The following CDH13 variants were observed in gnomAD, a reference collection of about 807,000 sequenced individuals.
CDH13 encodes the protein cadherin-13.
A neutral mutation model predicts 63.8 loss-of-function variants in CDH13; 24 were observed. That is an observed-to-expected ratio of 0.38 (90% CI 0.27 to 0.53). CDH13 has a LOEUF of 0.53. CDH13 is among the 20% of genes least tolerant of loss of function. CDH13 has a pLI of 0.85. For missense variants in CDH13, 1,049 were observed against 903.1 expected (o/e 1.16, Z -2.07); for synonymous variants, 503 against 355.3 (o/e 1.42, Z -4.67).
intron 8 of CDH13, among the ~76,000 whole-genome samples, chr16:83,647,312 C>CAAAA (rs772041222): frequency 2.3e-5 from 2 of 86,406 alleles, no homozygotes; most frequent in African/African-American, 8.2e-5. Context: ...GACTCTGTCT[C>CAAAA]AAAAAAAAAA....
chr16:82,649,408 C>T (rs1256308203), intron 1 of CDH13, among the ~76,000 whole-genome samples: 1 of 152,034 alleles, frequency 6.6e-6, no homozygotes, highest in Non-Finnish European at 1.5e-5. Flanking sequence ...GAAAATAGGG[C>T]ATTTCAAGAA....
intron 6 of CDH13, among the ~76,000 whole-genome samples, chr16:83,435,578 G>A (rs77600115): frequency 3.5e-3 from 536 of 152,228 alleles, no homozygotes; most frequent in Non-Finnish European, 5.9e-3. Flanking sequence ...CTCCCTGAAC[G>A]TGCCACGTGC....
intron 2 of CDH13, among the ~76,000 whole-genome samples, chr16:82,971,015 G>A (rs4782739): frequency 0.12 from 18,535 of 152,150 alleles, 1,316 homozygotes; most frequent in East Asian, 0.16. Context: ...CACTGTAGGT[G>A]CTCCACCTAT....
rs1210568393 is a variant in CDH13 at position 82,697,353 on chromosome 16, T to C, written c.45+70216T>C. On this transcript the variant is annotated intron_variant, in intron 1 of 13. Coordinates refer to ENST00000567109, the MANE Select transcript of CDH13 (RefSeq NM_001257.5). ...CTGAAGAGAACAAGATGAGGCTTTG[T>C]CACTCTCACCCCAGACTATCCTCCA... 2.0e-5 allele frequency among the ~76,000 whole-genome samples: 3 copies of C among 151,730 alleles called. No individual in the cohort carries two copies. In the East Asian group the frequency reaches 5.8e-4, roughly 29 times the overall value.
chr16:83,000,631 C>T (rs1385445227), intron 2 of CDH13, among the ~76,000 whole-genome samples: 4 of 148,250 alleles, frequency 2.7e-5, no homozygotes, highest in East Asian at 4.0e-4. Flanking sequence ...GTTCTGTTGC[C>T]CAGGCTAGAG....
chr16:83,447,053 T>TAA (rs56692922), intron 6 of CDH13, among the ~76,000 whole-genome samples: 31 of 64,294 alleles, frequency 4.8e-4, no homozygotes, highest in East Asian at 1.9e-3. Flanking sequence ...TCACCCGTCT[T>TAA]AAAAAAAAAA....
intron 5 of CDH13, among the ~76,000 whole-genome samples, chr16:83,320,165 G>A (rs11641461): frequency 0.3 from 45,677 of 151,734 alleles, 7,039 homozygotes; most frequent in East Asian, 0.47. Context: ...TCAACCTCAC[G>A]AGTAGCTACG....
chr16:83,059,861 C>G (rs987342451), intron 3 of CDH13, among the ~76,000 whole-genome samples: 15 of 134,426 alleles, frequency 1.1e-4, no homozygotes, highest in Non-Finnish European at 1.5e-5. Flanking sequence ...GTGGCAGGAT[C>G]TTGGCTCACT....
chr16:83,518,179 C>G (rs572016970), intron 7 of CDH13, among the ~76,000 whole-genome samples: 2 of 152,074 alleles, frequency 1.3e-5, no homozygotes, highest in East Asian at 1.9e-4. Flanking sequence ...GAGTCTTGTT[C>G]TCTCACCCAG....
intron 5 of CDH13, among the ~76,000 whole-genome samples, chr16:83,276,659 G>A (rs763909514): frequency 2.0e-5 from 3 of 151,980 alleles, no homozygotes; most frequent in East Asian, 3.9e-4. Context: ...TCACGAGTTC[G>A]GGAGATCGAG....
chr16:83,775,723 T>TA (rs147727333), intron 11 of CDH13, among the ~76,000 whole-genome samples: 1,639 of 145,606 alleles, frequency 0.011, 57 homozygotes, highest in Admixed American at 0.067. Context: ...GTCTCAAAAA[T>TA]AAAAAAAAAG....
At chr16:83,541,838 A>G (rs1478939785) in intron 7 of CDH13, among the ~76,000 whole-genome samples, 2 of 152,236 alleles carry the variant, frequency 1.3e-5, no homozygotes, top group African/African-American at 2.4e-5. Context: ...GTCTTCTCCT[A>G]TGAGAATGTA....
In CDH13 at chr16:83,265,324, TTATGTGTGTATTTCGCATGCCTGAAAA is replaced by T. The variant is rs558952863; in HGVS notation, c.636+47829_636+47855del. Among the ~76,000 whole-genome samples, 14 of 152,324 alleles carry T rather than the reference TTATGTGTGTATTTCGCATGCCTGAAAA, an allele frequency of 9.2e-5. No homozygotes were observed. The South Asian group carries it at 2.5e-3, about 27-fold the overall frequency. The stretch of plus-strand genomic sequence containing the variant: ...TTTTCCTTCCTGGTTAACCTCTGGA[TTATGTGTGTATTTCGCATGCCTGAAAA>T]TCCTTTTTCTACTTTTAGACTTGCA... On this transcript the variant is annotated intron_variant, in intron 5 of 13. Transcript: ENST00000567109.
chr16:83,800,632 G>T lies in CDH13; in HGVS notation c.*5602G>T, dbSNP rs1904316311. On this transcript the variant is annotated 3_prime_UTR_variant, in exon 14 of 14. Coordinates refer to ENST00000567109, the MANE Select transcript of CDH13 (RefSeq NM_001257.5). ...AAACATTCAAATAAAGCTTATCTGG[G>T]ATTTTTAACTTGTGTGTTTAGTCTT... 1 of 152,222 alleles carries T rather than the reference G, an allele frequency of 6.6e-6. No homozygotes were observed. Among genetic ancestry groups the T allele is most frequent in the Non-Finnish European group, 1.5e-5 (1 of 68,044 alleles). 9.4% of individuals were successfully genotyped at this position (152,222 alleles called of 1,614,324 possible).
At chr16:82,823,698 T>G (rs2038111703) in intron 1 of CDH13, 1 of 152,170 alleles carries the variant, frequency 6.6e-6, no homozygotes, top group African/African-American at 2.4e-5. Flanking sequence ...TATTGTTATA[T>G]AAAATATAGT....
intron 10 of CDH13, among the ~76,000 whole-genome samples, chr16:83,692,831 C>G (rs1206421235): frequency 2.0e-5 from 3 of 152,162 alleles, no homozygotes; most frequent in East Asian, 1.9e-4. Context: ...CACCTGTAAT[C>G]CTAGCACTTT....
chr16:83,360,283 C>T (rs1267597069), intron 6 of CDH13, among the ~76,000 whole-genome samples: 4 of 152,136 alleles, frequency 2.6e-5, no homozygotes, highest in Non-Finnish European at 4.4e-5. Context: ...GTACCACGTA[C>T]GGAAAATACA....
At chr16:83,504,502 C>T (rs1014776789) in intron 7 of CDH13, among the ~76,000 whole-genome samples, 2 of 152,322 alleles carry the variant, frequency 1.3e-5, no homozygotes, top group Non-Finnish European at 2.9e-5. Context: ...GCATCTGAGG[C>T]TTTGCTGACA....
chr16:83,365,757 A>G (rs1171354549), intron 6 of CDH13, among the ~76,000 whole-genome samples: 3 of 152,206 alleles, frequency 2.0e-5, no homozygotes, highest in Non-Finnish European at 4.4e-5. Flanking sequence ...AATGAGGCCA[A>G]AGTTAGTTCA....
Sources: gnomAD v4.1 joint callset for allele counts (sites outside exome capture counted in the v4.1 genomes callset) on GRCh38, gnomAD v4.1.1 for gene constraint, MANE v1.5 for transcripts, NCBI Gene and HGNC (gene_info 2026-07-23, HGNC 2026-07-21) for gene names.